TSHZ3: variants seen among roughly 807,000 people sequenced by gnomAD.
The protein encoded by TSHZ3 is teashirt zinc finger homeobox 3, also known as teashirt homolog 3.
TSHZ3 carries 10 observed loss-of-function variants against 64.5 expected under a neutral mutation model. The observed-to-expected ratio is 0.16, with a 90% CI of 0.10 to 0.26. The LOEUF is 0.26. Among genes scored for constraint, TSHZ3 ranks in the 10% least tolerant of loss-of-function variants. TSHZ3 has a pLI of 1.00. For synonymous variants in TSHZ3, 608 were observed against 593.1 expected (o/e 1.03, Z -0.36); for missense variants, 1,242 against 1,421.7 (o/e 0.87, Z 2.03).
At chr19:31,242,508 C>T (rs754440687) in exon 3 of TSHZ3, among the ~76,000 whole-genome samples, 3 of 151,506 alleles carry the variant, frequency 2.0e-5, no homozygotes, top group Admixed American at 6.6e-5. Flanking sequence ...AAGATGGGTG[C>T]CTCGGTTCTA....
chr19:31,311,857 G>A (rs546654134), intron 1 of TSHZ3, among the ~76,000 whole-genome samples: 4 of 152,248 alleles, frequency 2.6e-5, no homozygotes, highest in East Asian at 3.9e-4. Flanking sequence ...CTGAGTAGCT[G>A]GGACTGCAGG....
chr19:31,166,701 C>T (rs940193953), intron 5 of TSHZ3, among the ~76,000 whole-genome samples: 17 of 152,150 alleles, frequency 1.1e-4, no homozygotes, highest in Non-Finnish European at 2.4e-4. Flanking sequence ...ATGAAATGTC[C>T]ATCTTCTATC....
At chr19:31,271,862 G>A (rs1408719354), downstream of TSHZ3, among the ~76,000 whole-genome samples, 1 of 152,142 alleles carries the variant, frequency 6.6e-6, no homozygotes, top group African/African-American at 2.4e-5. Context: ...TAGCTAAGAC[G>A]ATAATAGCTA....
At chr19:31,197,629 A>G (rs971345720) in intron 5 of TSHZ3, among the ~76,000 whole-genome samples, 6 of 151,926 alleles carry the variant, frequency 3.9e-5, no homozygotes, top group African/African-American at 1.4e-4. Flanking sequence ...GGGCATCACT[A>G]TCAATCCCAT....
intron 1 of TSHZ3, among the ~76,000 whole-genome samples, chr19:31,327,804 C>A (rs1027324081): frequency 2.0e-5 from 3 of 152,108 alleles, no homozygotes; most frequent in Admixed American, 6.5e-5. Context: ...AAATCCAATA[C>A]ACAAAATGAA....
chr19:31,296,460 G>A (rs150512539), intron 1 of TSHZ3, among the ~76,000 whole-genome samples: 2,052 of 149,760 alleles, frequency 0.014, 46 homozygotes, highest in African/African-American at 0.048. Flanking sequence ...TCAGCCTCCC[G>A]AGTAGCTGGG....
At chr19:31,202,537 G>A (rs1252527494) in intron 5 of TSHZ3, among the ~76,000 whole-genome samples, 1 of 152,024 alleles carries the variant, frequency 6.6e-6, no homozygotes, top group Non-Finnish European at 1.5e-5. Context: ...TGTTTGTGCA[G>A]ACCATAATTT....
Position 31,277,864 on chromosome 19 carries a change from G to C in TSHZ3, c.1929C>G (p.Pro643=). 2 of 1,603,456 alleles carry C rather than the reference G, an allele frequency of 1.2e-6. No homozygotes were observed. The highest frequency in any genetic ancestry group is 1.3e-5 in the African/African-American group (1 of 74,540). The change falls in exon 2 of 2, where the codon CCC becomes CCG. Residue 643 remains proline, a synonymous_variant. Transcript: ENST00000240587. The surrounding 1 kb of genome is among the most constrained non-coding windows in gnomAD (Gnocchi z 4.5). ...CCCCGACTTCGCTGCTACATGGGGA[G>C]GGAGTGGCCCGCTTGGGCGGGGAAA... The part of the protein sequence containing the change: ...GKLSPPKRAT[P]SPCSSEVGEP...
At chr19:31,339,406 C>T (rs538686255) in intron 1 of TSHZ3, among the ~76,000 whole-genome samples, 6 of 152,166 alleles carry the variant, frequency 3.9e-5, no homozygotes, top group African/African-American at 1.4e-4. Flanking sequence ...CAGGCTCTAC[C>T]CCCTTCTCCC....
chr19:31,246,584 A>C (rs1383661288), intron 1 of TSHZ3, among the ~76,000 whole-genome samples: 1 of 152,008 alleles, frequency 6.6e-6, no homozygotes, highest in Non-Finnish European at 1.5e-5. Context: ...ATAAGTAAAA[A>C]CTCATGGTTT....
At chr19:31,260,744 A>G (rs1384614729) in intron 1 of TSHZ3, among the ~76,000 whole-genome samples, 1 of 152,152 alleles carries the variant, frequency 6.6e-6, no homozygotes, top group Non-Finnish European at 1.5e-5. Flanking sequence ...CAGCTCTGGG[A>G]ACAAAAGAAC....
intron 1 of TSHZ3, among the ~76,000 whole-genome samples, chr19:31,311,668 C>T (rs901223279): frequency 7.9e-5 from 12 of 152,126 alleles, no homozygotes; most frequent in African/African-American, 2.7e-4. Flanking sequence ...ATGAGAATCC[C>T]GTTTAGGGTC....
At chr19:31,264,024 C>T (rs866994776) in intron 1 of TSHZ3, among the ~76,000 whole-genome samples, 2 of 152,098 alleles carry the variant, frequency 1.3e-5, no homozygotes, top group Non-Finnish European at 2.9e-5. Flanking sequence ...CTCTCCCACC[C>T]GACCAAAGAC....
At chr19:31,244,389 C>T (rs145589215) in intron 1 of TSHZ3, among the ~76,000 whole-genome samples, 1 of 152,298 alleles carries the variant, frequency 6.6e-6, no homozygotes, top group Non-Finnish European at 1.5e-5. Context: ...CTGAGGCCTA[C>T]TCAGCCATGC....
intron 1 of TSHZ3, among the ~76,000 whole-genome samples, chr19:31,297,518 C>A (rs1976685727): frequency 6.6e-6 from 1 of 152,126 alleles, no homozygotes; most frequent in African/African-American, 2.4e-5. Context: ...GTTCCATTGC[C>A]CACGCAGGAG....
At chr19:31,349,767 G>A (rs1407217153), upstream of TSHZ3, among the ~76,000 whole-genome samples, 1 of 148,966 alleles carries the variant, frequency 6.7e-6, no homozygotes, top group African/African-American at 2.5e-5. Flanking sequence ...GGGGGGACGC[G>A]CAGCCGCCGC....
At chr19:31,242,640 G>A (rs73927320) in exon 3 of TSHZ3, among the ~76,000 whole-genome samples, 2,931 of 152,184 alleles carry the variant, frequency 0.019, 78 homozygotes, top group African/African-American at 0.059. Context: ...TCAGTTCTAC[G>A]AGAGAGAACC....
At chr19:31,201,593 A>G (rs1273248132) in intron 5 of TSHZ3, among the ~76,000 whole-genome samples, 1 of 152,228 alleles carries the variant, frequency 6.6e-6, no homozygotes, top group African/African-American at 2.4e-5. Context: ...ATCACAGCTT[A>G]TGTCTAATCC....
intron 3 of TSHZ3, among the ~76,000 whole-genome samples, chr19:31,234,810 T>C (rs1178864093): frequency 1.3e-5 from 2 of 152,252 alleles, no homozygotes; most frequent in Non-Finnish European, 2.9e-5. Flanking sequence ...GATATTGACC[T>C]GTAATTTCCT....
Sources: allele counts gnomAD v4.1 joint callset (sites outside exome capture counted in the v4.1 genomes callset), GRCh38; gene constraint gnomAD v4.1.1; non-coding constraint Gnocchi (gnomAD v3.1); transcripts MANE v1.5; gene names NCBI Gene and HGNC (gene_info 2026-07-23, HGNC 2026-07-21).